COPB2: variants seen among roughly 807,000 people sequenced by gnomAD.
The protein encoded by COPB2 is coat protein complex I subunit beta 2, also known as coatomer subunit beta'.
Under a neutral mutation model 120.8 loss-of-function variants are expected in COPB2, and 16 were observed. That is an observed-to-expected ratio of 0.13 (90% CI 0.09 to 0.20). The LOEUF (loss-of-function observed/expected upper bound fraction) is 0.20, where lower values mean the gene tolerates loss of function less well. Among genes scored for constraint, COPB2 ranks in the 10% least tolerant of loss-of-function variants. The probability of loss-of-function intolerance (pLI) is 1.00; values close to 1 mark genes in which losing one functional copy is unlikely to be tolerated. For missense variants in COPB2, 794 were observed against 1,076.5 expected (o/e 0.74, Z 3.67); for synonymous variants, 332 against 366.3 (o/e 0.91, Z 1.07).
intron 20 of COPB2, chr3:139,358,537 G>A: frequency 1.7e-6 from 1 of 602,576 alleles, no homozygotes; most frequent in African/African-American, 1.9e-5. Flanking sequence ...AAATTAGCCG[G>A]ACCGGTGATG....
At chr3:139,386,263 G>GT (rs943792444) in intron 1 of COPB2, among the ~76,000 whole-genome samples, 198 of 135,146 alleles carry the variant, frequency 1.5e-3, no homozygotes, top group African/African-American at 3.4e-3. Flanking sequence ...CTACTTTCTT[G>GT]TTTTTTTTTT....
chr3:139,361,039 T>A (rs1323508969), intron 17 of COPB2, 42 bp downstream of exon 17: 1 of 1,599,758 alleles, frequency 6.3e-7, no homozygotes, highest in East Asian at 2.2e-5. Context: ...CCAAAAACCA[T>A]CCTCAGTGTA....
At chr3:139,386,317 C>T (rs111498883) in intron 1 of COPB2, among the ~76,000 whole-genome samples, 6 of 151,546 alleles carry the variant, frequency 4.0e-5, no homozygotes, top group East Asian at 3.9e-4. Context: ...AGGGCAGTGG[C>T]GTGATCTCGG....
chr3:139,373,466 AAAC>A, intron 8 of COPB2, 54 bp from the exon 9 acceptor site: 1 of 1,592,308 alleles, frequency 6.3e-7, no homozygotes, highest in Non-Finnish European at 8.6e-7. Flanking sequence ...AATAAAACCA[AAAC>A]AAAACAGATT....
intron 16 of COPB2, among the ~76,000 whole-genome samples, chr3:139,361,703 C>T (rs1205446703): frequency 2.0e-5 from 3 of 152,184 alleles, no homozygotes; most frequent in Non-Finnish European, 4.4e-5. Flanking sequence ...TCACTTGTAG[C>T]TTTTCAGAAC....
intron 20 of COPB2, 119 bp downstream of exon 20, chr3:139,358,625 G>A: frequency 1.4e-6 from 1 of 700,424 alleles, no homozygotes; most frequent in South Asian, 1.7e-5. Context: ...AGCTTGCAGT[G>A]AGCCTAGATC....
In COPB2 at chr3:139,366,617, G is replaced by A; in HGVS notation, c.1835C>T (p.Thr612Ile). The change falls in exon 15 of 22, where the codon ACC (threonine) becomes ATC (isoleucine). Residue 612 changes from threonine to isoleucine, a missense_variant. Transcript: ENST00000333188. ...DFSMADKVLP[T>I]IPKEQRTRVA... ...TCTGGTCCTCTGTTCTTTTGGAATG[G>A]TAGGAAGGACCTTATCAGCCATGCT... 3.1e-6 allele frequency: 5 copies of A among 1,614,006 alleles called. No homozygotes were observed. Among genetic ancestry groups the A allele is most frequent in the Middle Eastern group, 1.6e-4 (1 of 6,062 alleles).
At chr3:139,375,710 G>T in intron 5 of COPB2, 96 bp from the exon 6 acceptor site, 1 of 1,352,682 alleles carries the variant, frequency 7.4e-7, no homozygotes, top group Non-Finnish European at 9.9e-7. Context: ...AAATGCCAAA[G>T]CCCAGGAGAG....
Position 139,373,322 on chromosome 3 carries a change from C to T in COPB2, c.985G>A (p.Ala329Thr). 1 of 1,614,168 alleles carries T rather than the reference C, an allele frequency of 6.2e-7. No individual in the cohort carries two copies. Among genetic ancestry groups the T allele is most frequent in the Non-Finnish European group, 8.5e-7 (1 of 1,180,038 alleles). ...HSEVQQANLK[A>T]MGDAEIKDGE... ...TCTTTAATTTCAGCATCTCCCATTG[C>T]TTTTAGGTTGGCCTGCTGGACTTCT... Residue 329 changes from alanine to threonine, a missense_variant, in exon 9 of 22, where the codon GCA becomes ACA. Transcript: ENST00000333188.
chr3:139,383,276 T>A (rs767922196), intron 2 of COPB2, 22 bp downstream of exon 2: 2 of 1,612,618 alleles, frequency 1.2e-6, no homozygotes, highest in African/African-American at 2.7e-5. Context: ...TTATTTCTAA[T>A]ACAGTCCTGA....
Position 139,373,768 on chromosome 3 carries a change from C to G in COPB2, c.792G>C (p.Glu264Asp). The change falls in exon 8 of 22, where the codon GAG (glutamate) becomes GAC (aspartate). Residue 264 changes from glutamate to aspartate, a missense_variant. By Grantham distance (45) the Glu-to-Asp change is conservative. Coordinates refer to ENST00000333188, the MANE Select transcript of COPB2 (RefSeq NM_004766.3). ...RIWHSSTYRL[E>D]STLNYGMERV... ...TCTCCATTCCATAATTCAGTGTGCT[C>G]TCAAGCCGGTAGGTGCTTGAATGCC... The G allele has an allele frequency of 6.2e-7, 1 of 1,614,094 alleles. No homozygotes were observed. Among genetic ancestry groups the G allele is most frequent in the Non-Finnish European group, 8.5e-7 (1 of 1,180,002 alleles).
chr3:139,378,303 A>G, intron 4 of COPB2, 114 bp from the exon 5 acceptor site: 1 of 999,002 alleles, frequency 1.0e-6, no homozygotes. Context: ...CATGACTTAC[A>G]GAAATAGAAT....
rs1941349280 is a variant in COPB2 at position 139,358,805 on chromosome 3, T to C, written c.2492A>G (p.Glu831Gly). The change falls in exon 20 of 22, where the codon GAA becomes GGA. Residue 831 changes from glutamate (E) to glycine (G), a missense_variant. Glu to Gly is a moderately conservative substitution (Grantham distance 98, BLOSUM62 -2). Coordinates refer to ENST00000333188, the MANE Select transcript of COPB2 (RefSeq NM_004766.3). ...TCCCTCTTCCATGACATTTCTCTCT[T>C]CATTTGGCTATCAGAGAATAAAGCA... ...AKQYPLVTPN[E>G]ERNVMEEGKD... 6.2e-7 allele frequency: 1 copy of C among 1,612,488 alleles called. No homozygotes were observed. Among genetic ancestry groups the C allele is most frequent in the Non-Finnish European group, 8.5e-7 (1 of 1,178,544 alleles).
At chr3:139,368,059 A>G in intron 13 of COPB2, 86 bp downstream of exon 13, 1 of 1,419,326 alleles carries the variant, frequency 7.0e-7, no homozygotes. Flanking sequence ...ATTTATAACG[A>G]AATGTTAAAA....
Position 139,357,962 on chromosome 3 carries a change from C to G in COPB2, c.2626-4G>C, listed in dbSNP as rs200977316. On this transcript the variant is annotated splice_region_variant and splice_polypyrimidine_tract_variant and intron_variant, in intron 21 of 21. Transcript: ENST00000333188. The stretch of plus-strand genomic sequence containing the variant: ...CTACTTCTAGTTCGAGTAAACTCTG[C>G]AGACAAAAGGAAGAGGGTAATTAAG... 39 of 1,545,148 alleles carry G rather than the reference C, an allele frequency of 2.5e-5. No individual in the cohort carries two copies. The African/African-American group carries it at 5.3e-4, about 21-fold the overall frequency.
At chr3:139,379,823 T>C in intron 2 of COPB2, 2 of 233,306 alleles carry the variant, frequency 8.6e-6, no homozygotes, top group Non-Finnish European at 1.7e-5. Flanking sequence ...AACTTGTACT[T>C]CCCTTTCATA....
chr3:139,374,355 T>C, intron 7 of COPB2, 134 bp downstream of exon 7: 2 of 664,928 alleles, frequency 3.0e-6, no homozygotes, highest in Non-Finnish European at 5.3e-6. Flanking sequence ...TACTCTTTTA[T>C]AGCTTAAGTC....
In COPB2 at chr3:139,367,468, C is replaced by T. The variant is rs573283075; in HGVS notation, c.1546-323G>A. Among the ~76,000 whole-genome samples, 16 of 151,938 alleles carry T rather than the reference C, an allele frequency of 1.1e-4. No homozygotes were observed. In the South Asian group the frequency reaches 2.1e-3, roughly 20 times the overall value. ...ATGCCTGGCTAATTCTTATGTTTTT[C>T]GTAGAGACAGGGTTTCACCATGCTG... On this transcript the variant is annotated intron_variant, in intron 13 of 21. Transcript: ENST00000333188.
intron 1 of COPB2, among the ~76,000 whole-genome samples, chr3:139,388,684 G>A (rs1941984710): frequency 6.9e-6 from 1 of 145,744 alleles, no homozygotes; most frequent in South Asian, 2.2e-4. Flanking sequence ...GGAGTGCAGT[G>A]GTGCGACCTC....
Sources: allele counts gnomAD v4.1 joint callset (sites outside exome capture counted in the v4.1 genomes callset), GRCh38; gene constraint gnomAD v4.1.1; transcripts MANE v1.5; gene names NCBI Gene and HGNC (gene_info 2026-07-23, HGNC 2026-07-21).